Variants in LRRC7 observed in about 807,000 individuals in gnomAD.
LRRC7 encodes leucine rich repeat containing 7.
In LRRC7, 23 loss-of-function variants were observed where a neutral mutation model predicts 175.7. That is an observed-to-expected ratio of 0.13 (90% confidence interval 0.09 to 0.19). The LOEUF is 0.19. LRRC7 is among the 10% of genes least tolerant of loss of function. The pLI is 1.00. For synonymous variants in LRRC7, 685 were observed against 680.9 expected (o/e 1.01, Z -0.09); for missense variants, 1,354 against 1,904.7 (o/e 0.71, Z 5.38).
At chr1:70,045,390 C>T (rs1289742650) in intron 22 of LRRC7, among the ~76,000 whole-genome samples, 1 of 152,036 alleles carries the variant, frequency 6.6e-6, no homozygotes, top group Admixed American at 6.6e-5. Flanking sequence ...TGGGAAGATT[C>T]ACGTGCAGTT....
At chr1:69,991,131 G>A (rs1431790654) in intron 10 of LRRC7, among the ~76,000 whole-genome samples, 1 of 144,754 alleles carries the variant, frequency 6.9e-6, no homozygotes, top group African/African-American at 2.6e-5. Flanking sequence ...ACTCCAACCT[G>A]GGTGACAGAA....
At chr1:69,622,950 G>A (rs1302222673) in intron 1 of LRRC7, among the ~76,000 whole-genome samples, 1 of 152,174 alleles carries the variant, frequency 6.6e-6, no homozygotes, top group African/African-American at 2.4e-5. Flanking sequence ...TTAAGACTGT[G>A]TCTGAGTAGC....
At chr1:69,881,712 T>TA (rs1686616349) in intron 7 of LRRC7, among the ~76,000 whole-genome samples, 1 of 97,798 alleles carries the variant, frequency 1.0e-5, no homozygotes. Flanking sequence ...TCCCCATCTC[T>TA]ACAAAAAAAA....
intron 25 of LRRC7, among the ~76,000 whole-genome samples, chr1:70,105,891 G>C (rs1349982027): frequency 1.3e-5 from 2 of 152,014 alleles, no homozygotes; most frequent in Non-Finnish European, 2.9e-5. Context: ...AAATATGAAA[G>C]ATAAAAATCA....
At chr1:69,608,899 T>TATATATAC (rs1553124965) in intron 1 of LRRC7, among the ~76,000 whole-genome samples, 5 of 123,758 alleles carry the variant, frequency 4.0e-5, no homozygotes, top group African/African-American at 1.3e-4. Flanking sequence ...TATATATATA[T>TATATATAC]ACACACACAC....
At chr1:70,018,215 G>A (rs112788746) in intron 14 of LRRC7, among the ~76,000 whole-genome samples, 2,333 of 152,060 alleles carry the variant, frequency 0.015, 59 homozygotes, top group African/African-American at 0.053. Context: ...TGATATATCA[G>A]GTACAAGTAC....
At chr1:69,601,457 A>G (rs1773316) in intron 1 of LRRC7, among the ~76,000 whole-genome samples, 22,957 of 152,092 alleles carry the variant, frequency 0.15, 1,882 homozygotes, top group Admixed American at 0.19. Flanking sequence ...GTTTAAATCC[A>G]AATATATATG....
intron 7 of LRRC7, among the ~76,000 whole-genome samples, chr1:69,908,457 G>C (rs1372367092): frequency 6.6e-6 from 1 of 152,070 alleles, no homozygotes; most frequent in African/African-American, 2.4e-5. Flanking sequence ...ATTCTGGTAT[G>C]TTGTGTCTTT....
intron 7 of LRRC7, among the ~76,000 whole-genome samples, chr1:69,880,597 A>T (rs537777670): frequency 6.6e-6 from 1 of 152,246 alleles, no homozygotes; most frequent in African/African-American, 2.4e-5. Context: ...TGAAAATATC[A>T]TGGGAGTGAA....
chr1:69,755,757 T>C (rs1223525472), intron 2 of LRRC7, among the ~76,000 whole-genome samples: 1 of 151,882 alleles, frequency 6.6e-6, no homozygotes, highest in African/African-American at 2.4e-5. Context: ...ATATACATAG[T>C]AACATGGCTA....
In LRRC7 at chr1:69,899,042, G is replaced by C. The variant is rs1646059717; in HGVS notation, c.648-32465G>C. 2.0e-5 allele frequency among the ~76,000 whole-genome samples: 3 copies of C among 152,188 alleles called. No individual in the cohort carries two copies. The South Asian group carries it at 6.2e-4, about 32-fold the overall frequency. On this transcript the variant is annotated intron_variant, in intron 7 of 26. Coordinates refer to ENST00000651989, the MANE Select transcript of LRRC7 (RefSeq NM_001370785.2). Reference sequence around the variant, plus strand: ...ATCACTTTGGGATTGGGCATTCTCTGAAAATGGGACATTTGGCTATTGGAG... The same window carrying C: ...ATCACTTTGGGATTGGGCATTCTCTCAAAATGGGACATTTGGCTATTGGAG...
chr1:69,930,716 A>C (rs1647283146), intron 7 of LRRC7, among the ~76,000 whole-genome samples: 2 of 152,334 alleles, frequency 1.3e-5, no homozygotes, highest in Middle Eastern at 3.4e-3. Context: ...TCACAGTTCC[A>C]CATGGCTGGG....
intron 10 of LRRC7, among the ~76,000 whole-genome samples, chr1:69,991,383 C>G (rs1034534567): frequency 6.6e-6 from 1 of 152,012 alleles, no homozygotes; most frequent in Non-Finnish European, 1.5e-5. Flanking sequence ...TCATTTATGA[C>G]CTGAATGGTT....
intron 3 of LRRC7, among the ~76,000 whole-genome samples, chr1:69,769,925 T>G (rs1217936540): frequency 6.6e-6 from 1 of 152,090 alleles, no homozygotes; most frequent in African/African-American, 2.4e-5. Context: ...CCATTTTAGG[T>G]AAAGATGAAC....
At chr1:69,864,579 A>G (rs1393299082) in intron 7 of LRRC7, among the ~76,000 whole-genome samples, 1 of 152,206 alleles carries the variant, frequency 6.6e-6, no homozygotes, top group Non-Finnish European at 1.5e-5. Context: ...AGAAGAGAAC[A>G]TTAACTATCC....
At chr1:69,940,867 C>G (rs539691770) in intron 8 of LRRC7, among the ~76,000 whole-genome samples, 37 of 151,962 alleles carry the variant, frequency 2.4e-4, no homozygotes, top group African/African-American at 8.7e-4. Context: ...TAATAGAAAA[C>G]AAATGTTATT....
In LRRC7 at chr1:69,986,253, G is replaced by A. The variant is rs544546011; in HGVS notation, c.798G>A (p.Lys266=). 6.2e-7 allele frequency: 1 copy of A among 1,613,132 alleles called. No homozygotes were observed. The highest frequency in any genetic ancestry group is 1.1e-5 in the South Asian group (1 of 91,020). ...GCAATGTCATCAAGTCTATAGGGAA[G>A]TTAAAGATGTTGGTATACCTGGATA... ...ALQVLPGSIG[K]LKMLVYLDMS... The change falls in exon 10 of 27, where the codon AAG becomes AAA. Residue 266 remains lysine, a synonymous_variant. Transcript: ENST00000651989.
At chr1:70,017,294 A>G (rs1300571801) in intron 14 of LRRC7, among the ~76,000 whole-genome samples, 1 of 151,858 alleles carries the variant, frequency 6.6e-6, no homozygotes, top group Non-Finnish European at 1.5e-5. Flanking sequence ...AATTTGCAAT[A>G]TCTTTTTGGC....
intron 2 of LRRC7, among the ~76,000 whole-genome samples, chr1:69,699,206 G>A (rs919956921): frequency 1.3e-5 from 2 of 152,280 alleles, no homozygotes; most frequent in South Asian, 4.1e-4. Flanking sequence ...CCATCTCTGA[G>A]AGAAAGTTCA....
Sources: gnomAD v4.1 joint callset for allele counts (sites outside exome capture counted in the v4.1 genomes callset) on GRCh38, gnomAD v4.1.1 for gene constraint, MANE v1.5 for transcripts, NCBI Gene and HGNC (gene_info 2026-07-23, HGNC 2026-07-21) for gene names.